The following SHC2 variants were observed in gnomAD, a reference collection of about 807,000 sequenced individuals.
SHC2 encodes SHC adaptor protein 2.
A neutral mutation model predicts 60.6 loss-of-function variants in SHC2; 62 were observed. The observed-to-expected ratio is 1.02, with a 90% CI of 0.83 to 1.26. The LOEUF is 1.26. SHC2 is among the 50% of genes most tolerant of loss of function. The pLI is 0.00. For synonymous variants in SHC2, 375 were observed against 372.4 expected (o/e 1.01, Z -0.08); for missense variants, 873 against 822.2 (o/e 1.06, Z -0.76).
At position 425,102 on chromosome 19, in the gene SHC2, TCAAA is replaced by T; in HGVS notation, c.1300_1303del (p.Phe434ThrfsTer9). 7.1e-7 allele frequency: 1 copy of T among 1,403,168 alleles called. No individual in the cohort carries two copies. Among genetic ancestry groups the T allele is most frequent in the East Asian group, 2.7e-5 (1 of 36,390 alleles). The allele number at this position is 1,403,168 out of a possible 1,614,324, so 86.9% of individuals were successfully genotyped here. A position where few individuals can be genotyped will look rare whatever the true frequency, so the allele number is the denominator to read the frequency against. On this transcript the variant is annotated frameshift_variant, in exon 10 of 13. Transcript: ENST00000264554. LOFTEE classifies it high-confidence loss of function. This position sits in a 1 kb window ranked among gnomAD's most constrained non-coding sequence, Gnocchi z 4.1. Reference sequence around the variant, plus strand: ...CCCCCCAGGCTGCCACATACGCATGTCAAACAGATCCTTTTTGGGGCTGTCCTCC... The same window carrying T: ...CCCCCCAGGCTGCCACATACGCATGTCAGATCCTTTTTGGGGCTGTCCTCC...
At chr19:417,910 G>A (rs182646501) in intron 12 of SHC2, among the ~76,000 whole-genome samples, 122 of 152,244 alleles carry the variant, frequency 8.0e-4, no homozygotes, top group African/African-American at 2.8e-3. Flanking sequence ...GGACAGGAGA[G>A]CGGCCTGACC....
In SHC2 at chr19:425,026, T is replaced by TG. The variant is rs1266829724; in HGVS notation, c.1309+70dup. ...CAGGGAATCCCGTAGGGAGTGGGGG[T>TG]GGGGTTGTGCCTCCCCCATCAGACA... On this transcript the variant is annotated intron_variant, in intron 10 of 12. Transcript: ENST00000264554. This position sits in a 1 kb window ranked among gnomAD's most constrained non-coding sequence, Gnocchi z 4.1. 5 of 1,318,168 alleles carry TG rather than the reference T, an allele frequency of 3.8e-6. No homozygotes were observed. The Admixed American group carries it at 1.5e-4, about 40-fold the overall frequency. 81.7% of individuals were successfully genotyped at this position (1,318,168 alleles called of 1,614,324 possible).
chr19:438,974 T>G lies in SHC2; in HGVS notation c.596A>C (p.Lys199Thr), dbSNP rs1429012659. Residue 199 changes from lysine (K) to threonine (T), a missense_variant, in exon 3 of 13, where the codon AAA becomes ACA. By Grantham distance (78) the Lys-to-Thr change is moderately conservative (BLOSUM62 -1). Transcript: ENST00000264554. This position sits in a 1 kb window ranked among gnomAD's most constrained non-coding sequence, Gnocchi z 5.0. Reference protein sequence around the residue: ...AVPGVRGSWKKKAPNKALASV... With the variant: ...AVPGVRGSWKTKAPNKALASV... ...GAGACCACAAGCCTCACTCACCTTT[T>G]TCTTCCAGGATCCCCGGACGCCAGG... is the stretch of plus-strand genomic sequence containing the variant. The G allele has an allele frequency of 6.2e-7, 1 of 1,600,874 alleles. No individual in the cohort carries two copies. Among genetic ancestry groups the G allele is most frequent in the Non-Finnish European group, 8.5e-7 (1 of 1,174,376 alleles).
rs752277457 is a variant in SHC2, at chr19:458,068, G to A, written c.468+2461C>T. Among the ~76,000 whole-genome samples the A allele has an allele frequency of 8.6e-3, 1,112 of 128,712 alleles. 34 individuals are homozygous for A. Among genetic ancestry groups the A allele is most frequent in the Middle Eastern group, 0.026 (5 of 192 alleles). The allele number at this position is 128,712 out of a possible 152,430, so 84.4% of individuals were successfully genotyped here. A position where few individuals can be genotyped will look rare whatever the true frequency, so the allele number is the denominator to read the frequency against. The stretch of plus-strand genomic sequence containing the variant: ...AGGCGGAAGCGGGTCTTGGGGAGGC[G>A]GAAGCGGGTCTTGGGGAGGCGGAAG... On this transcript the variant is annotated intron_variant, in intron 1 of 12. Coordinates refer to ENST00000264554, the MANE Select transcript of SHC2 (RefSeq NM_012435.3).
intron 11 of SHC2, among the ~76,000 whole-genome samples, chr19:421,269 G>A (rs1974262398): frequency 6.6e-6 from 1 of 151,912 alleles, no homozygotes; most frequent in South Asian, 2.1e-4. Context: ...GCGTGGTGGT[G>A]GGAACCTGTA....
intron 11 of SHC2, 76 bp from the exon 12 acceptor site, chr19:419,132 G>T: frequency 6.8e-7 from 1 of 1,468,356 alleles, no homozygotes; most frequent in South Asian, 1.4e-5. Context: ...GCGTTCTGGG[G>T]TCCTGCCGGG....
chr19:439,792 G>A (rs1258000877), intron 2 of SHC2, among the ~76,000 whole-genome samples: 4 of 152,110 alleles, frequency 2.6e-5, no homozygotes, highest in Non-Finnish European at 4.4e-5. Context: ...TGGGGAGGCT[G>A]AGACGGGCGG....
In SHC2 at chr19:446,326, G is replaced by C. The variant is rs576588809; in HGVS notation, c.469-5394C>G. ...TTGTTTTTGGGGTTTTTGTTTGTTT[G>C]TTTGAGACGGAGTCTTGCTCTGTCG... is the stretch of plus-strand genomic sequence containing the variant. On this transcript the variant is annotated intron_variant, in intron 1 of 12. Coordinates refer to ENST00000264554, the MANE Select transcript of SHC2 (RefSeq NM_012435.3). This position sits in a 1 kb window ranked among gnomAD's most constrained non-coding sequence, Gnocchi z 5.4. 6.6e-6 allele frequency among the ~76,000 whole-genome samples: 1 copy of C among 152,058 alleles called. No homozygotes were observed. The highest frequency in any genetic ancestry group is 1.5e-5 in the Non-Finnish European group (1 of 68,006).
Position 441,472 on chromosome 19 carries a change from GA to G in SHC2, c.469-541del, listed in dbSNP as rs757743268. On this transcript the variant is annotated intron_variant, in intron 1 of 12. Coordinates refer to ENST00000264554, the MANE Select transcript of SHC2 (RefSeq NM_012435.3). The surrounding 1 kb of genome is among the most constrained non-coding windows in gnomAD (Gnocchi z 4.9). ...AATGACTGATAATACTGAGGGACGA[GA>G]GGGGCAGAGGCGTCCCACCGAGTCC... Among the ~76,000 whole-genome samples the G allele has an allele frequency of 2.6e-5, 4 of 152,090 alleles. No individual in the cohort carries two copies. The highest frequency in any genetic ancestry group is 7.2e-5 in the African/African-American group (3 of 41,390).
intron 1 of SHC2, 85 bp downstream of exon 1, chr19:460,444 C>T (rs1975514663): frequency 2.0e-6 from 1 of 504,208 alleles, no homozygotes. Flanking sequence ...ACACCTGGCT[C>T]GCGGGGTCCG....
intron 1 of SHC2, among the ~76,000 whole-genome samples, chr19:457,802 G>C (rs1360554626): frequency 6.6e-6 from 1 of 152,272 alleles, no homozygotes; most frequent in Non-Finnish European, 1.5e-5. Flanking sequence ...TGAAGGAAGC[G>C]CACGCGTCCT....
intron 1 of SHC2, among the ~76,000 whole-genome samples, chr19:451,974 T>C (rs952314791): frequency 3.3e-5 from 5 of 152,224 alleles, no homozygotes; most frequent in African/African-American, 1.2e-4. Context: ...ACTCCAGCCG[T>C]GGTGTCGGAG....
chr19:458,499 G>T (rs1398160965), intron 1 of SHC2, among the ~76,000 whole-genome samples: 1 of 138,596 alleles, frequency 7.2e-6, no homozygotes, highest in African/African-American at 2.7e-5. Context: ...GGGGAAGCAG[G>T]TTCCGGGGAG....
intron 1 of SHC2, among the ~76,000 whole-genome samples, chr19:443,611 T>C (rs1289455418): frequency 1.5e-5 from 2 of 135,538 alleles, no homozygotes; most frequent in Non-Finnish European, 3.1e-5. Context: ...GACGGGTGAG[T>C]GGATGGGTGG....
Position 436,451 on chromosome 19 carries a change from A to C in SHC2, c.775-20T>G, listed in dbSNP as rs771500150. The C allele has an allele frequency of 4.0e-5, 64 of 1,602,738 alleles. No homozygotes were observed. The highest frequency in any genetic ancestry group is 5.4e-5 in the Non-Finnish European group (63 of 1,174,724). On this transcript the variant is annotated intron_variant, in intron 5 of 12. Transcript: ENST00000264554. The stretch of plus-strand genomic sequence containing the variant: ...CATGTCCTGGGGGCGGGGAGGGGCC[A>C]GCTGGACCTGCCTGGGCCCCCCACC...
In SHC2 at chr19:435,386, T is replaced by C. The variant is rs117286797; in HGVS notation, c.954-521A>G. 3.6e-4 allele frequency among the ~76,000 whole-genome samples: 55 copies of C among 152,368 alleles called. 1 individual carries two copies. The East Asian group carries it at 9.1e-3, about 25-fold the overall frequency. ...AGCCTACGGAAGGCAGAGGCAGCTC[T>C]GGAGGCAGGCGAGGAGCCCGTCTCA... is the stretch of plus-strand genomic sequence containing the variant. On this transcript the variant is annotated intron_variant, in intron 7 of 12. Transcript: ENST00000264554.
At chr19:427,253 G>C (rs1314446187) in intron 9 of SHC2, among the ~76,000 whole-genome samples, 1 of 152,232 alleles carries the variant, frequency 6.6e-6, no homozygotes, top group East Asian at 1.9e-4. Context: ...GGCGGGGCTG[G>C]TGGGCGAGCC....
chr19:438,774 T>A lies in SHC2; in HGVS notation c.664A>T (p.Ile222Phe). 1 of 1,575,416 alleles carries A rather than the reference T, an allele frequency of 6.3e-7. No individual in the cohort carries two copies. The highest frequency in any genetic ancestry group is 8.6e-7 in the Non-Finnish European group (1 of 1,161,974). ...KSNLRFAGMSISIHISTDGLS... is the reference protein window; with the variant it reads ...KSNLRFAGMSFSIHISTDGLS... The stretch of plus-strand genomic sequence containing the variant: ...CCATCAGTGGAGATGTGGATGGAGA[T>A]GCTCATGCCGGCAAAGCGAAGGTTG... Residue 222 changes from isoleucine to phenylalanine, a missense_variant, in exon 4 of 13, where the codon ATC (isoleucine) becomes TTC (phenylalanine). Ile to Phe is a conservative substitution (Grantham distance 21). Coordinates refer to ENST00000264554, the MANE Select transcript of SHC2 (RefSeq NM_012435.3). This position sits in a 1 kb window ranked among gnomAD's most constrained non-coding sequence, Gnocchi z 5.0.
rs1440362688 is a variant in SHC2, at chr19:453,553, G to A, written c.468+6976C>T. On this transcript the variant is annotated intron_variant, in intron 1 of 12. Transcript: ENST00000264554. The surrounding 1 kb of genome is among the most constrained non-coding windows in gnomAD (Gnocchi z 6.3). ...TTCCAAAATGCTGGATTACAGGCGT[G>A]AGCCACCACGCCCGGCCAGAACCCA... Among the ~76,000 whole-genome samples, 3 of 152,166 alleles carry A rather than the reference G, an allele frequency of 2.0e-5. No individual in the cohort carries two copies. Among genetic ancestry groups the A allele is most frequent in the Non-Finnish European group, 4.4e-5 (3 of 68,038 alleles).
Sources: gnomAD v4.1 joint callset for allele counts (sites outside exome capture counted in the v4.1 genomes callset) on GRCh38, gnomAD v4.1.1 for gene constraint, Gnocchi (gnomAD v3.1) non-coding constraint, MANE v1.5 for transcripts, NCBI Gene and HGNC (gene_info 2026-07-23, HGNC 2026-07-21) for gene names.